Variants in CLSTN2 observed in about 807,000 individuals in gnomAD.
CLSTN2 encodes calsyntenin 2, also known as calsyntenin-2.
Under a neutral mutation model 101.2 loss-of-function variants are expected in CLSTN2, and 48 were observed. The observed-to-expected ratio is 0.47, with a 90% CI of 0.38 to 0.60. The LOEUF is 0.60. Ranked by LOEUF, CLSTN2 falls within the 20% of genes least tolerant of loss-of-function variation. The probability of loss-of-function intolerance (pLI) is 0.00; values close to 1 mark genes in which losing one functional copy is unlikely to be tolerated. For synonymous variants in CLSTN2, 481 were observed against 463.6 expected (o/e 1.04, Z -0.48); for missense variants, 1,160 against 1,238.2 (o/e 0.94, Z 0.95).
At chr3:139,966,461 T>G (rs1459846408) in intron 1 of CLSTN2, among the ~76,000 whole-genome samples, 4 of 152,180 alleles carry the variant, frequency 2.6e-5, no homozygotes, top group African/African-American at 9.7e-5. Flanking sequence ...TGATGCGGTT[T>G]CCTCTGCCTG....
chr3:140,484,655 G>T lies in CLSTN2; in HGVS notation c.1344+17924G>T, dbSNP rs1401150021. ...TAGTCCCATATTTCTTGGAGGCTTT[G>T]TTCATTTCCTTTTATTCTTTTTTCT... is the stretch of plus-strand genomic sequence containing the variant. On this transcript the variant is annotated intron_variant, in intron 8 of 16. Transcript: ENST00000458420. Among the ~76,000 whole-genome samples the T allele has an allele frequency of 2.6e-5, 4 of 152,158 alleles. No individual in the cohort carries two copies. In the East Asian group the frequency reaches 7.7e-4, roughly 29 times the overall value.
chr3:140,249,808 T>C (rs1468638315), intron 2 of CLSTN2, among the ~76,000 whole-genome samples: 1 of 152,192 alleles, frequency 6.6e-6, no homozygotes. Flanking sequence ...CCAAGAGAAC[T>C]TGACAGTGCA....
At chr3:140,505,972 C>T (rs1262346910) in intron 8 of CLSTN2, 1 of 152,186 alleles carries the variant, frequency 6.6e-6, no homozygotes, top group African/African-American at 2.4e-5. Flanking sequence ...GGACAGGAAA[C>T]AGGATTTCTG....
At chr3:140,215,780 T>C (rs991323441) in intron 2 of CLSTN2, among the ~76,000 whole-genome samples, 4 of 152,236 alleles carry the variant, frequency 2.6e-5, no homozygotes, top group African/African-American at 4.8e-5. Context: ...CGCATTGTTA[T>C]AAGGATTAAA....
intron 1 of CLSTN2, among the ~76,000 whole-genome samples, chr3:140,121,748 G>A (rs958114923): frequency 2.6e-5 from 4 of 152,158 alleles, no homozygotes; most frequent in Non-Finnish European, 4.4e-5. Flanking sequence ...CTTGGCTTAG[G>A]TGCTGTTTGG....
At chr3:140,334,677 A>G (rs1194291334) in intron 2 of CLSTN2, among the ~76,000 whole-genome samples, 1 of 152,212 alleles carries the variant, frequency 6.6e-6, no homozygotes, top group Non-Finnish European at 1.5e-5. Flanking sequence ...AAGAAGGGTC[A>G]CTAATTTATC....
intron 2 of CLSTN2, among the ~76,000 whole-genome samples, chr3:140,229,535 T>C (rs562840703): frequency 6.6e-6 from 1 of 151,806 alleles, no homozygotes; most frequent in South Asian, 2.1e-4. Context: ...GCCTCAGATC[T>C]CTATGTTGTC....
chr3:140,515,463 T>C (rs1934899474), intron 8 of CLSTN2, among the ~76,000 whole-genome samples: 1 of 152,164 alleles, frequency 6.6e-6, no homozygotes, highest in African/African-American at 2.4e-5. Context: ...GGCCTTAGAT[T>C]GTCCATTTGT....
intron 1 of CLSTN2, among the ~76,000 whole-genome samples, chr3:140,111,611 C>T (rs981673080): frequency 2.6e-5 from 4 of 151,874 alleles, no homozygotes; most frequent in Non-Finnish European, 5.9e-5. Context: ...CTTCCTGCCC[C>T]GAGCTCCTGA....
chr3:140,126,818 C>T (rs2009441155), intron 1 of CLSTN2, among the ~76,000 whole-genome samples: 3 of 152,162 alleles, frequency 2.0e-5, no homozygotes, highest in Admixed American at 6.5e-5. Context: ...CTGGGTGCTG[C>T]AGACACAGGG....
intron 1 of CLSTN2, among the ~76,000 whole-genome samples, chr3:140,161,468 T>G (rs560890886): frequency 1.3e-5 from 2 of 152,150 alleles, no homozygotes; most frequent in Non-Finnish European, 2.9e-5. Context: ...CTCCCCTTCC[T>G]TTTTCCAAAA....
intron 8 of CLSTN2, among the ~76,000 whole-genome samples, chr3:140,503,241 TA>T (rs1934616243): frequency 6.6e-6 from 1 of 152,230 alleles, no homozygotes; most frequent in Admixed American, 6.5e-5. Context: ...TTTTGCTGTT[TA>T]AGTACAGTCA....
At chr3:140,342,785 T>G (rs1188834361) in intron 2 of CLSTN2, among the ~76,000 whole-genome samples, 2 of 152,110 alleles carry the variant, frequency 1.3e-5, no homozygotes, top group African/African-American at 4.8e-5. Context: ...TGATACTGGC[T>G]GTCATCTGGA....
chr3:140,221,952 CA>C (rs1177777113), intron 2 of CLSTN2, among the ~76,000 whole-genome samples: 1 of 151,978 alleles, frequency 6.6e-6, no homozygotes, highest in African/African-American at 2.4e-5. Context: ...TATGATACAG[CA>C]GTCCAACTAC....
intron 2 of CLSTN2, among the ~76,000 whole-genome samples, chr3:140,258,253 A>G (rs748005538): frequency 3.3e-5 from 5 of 152,232 alleles, no homozygotes; most frequent in Non-Finnish European, 7.3e-5. Context: ...GGAAACTTCC[A>G]TCTTCCAATT....
chr3:140,421,669 TG>T (rs2088507821), intron 5 of CLSTN2, among the ~76,000 whole-genome samples: 2 of 152,210 alleles, frequency 1.3e-5, no homozygotes, highest in African/African-American at 4.8e-5. Context: ...AAAGTCGCCA[TG>T]TTCTTTGTGC....
intron 1 of CLSTN2, among the ~76,000 whole-genome samples, chr3:140,166,252 C>T (rs958240875): frequency 2.0e-5 from 3 of 152,206 alleles, no homozygotes; most frequent in African/African-American, 7.2e-5. Flanking sequence ...TTGGCCTACT[C>T]CACCCATCAG....
At chr3:140,257,562 G>GTA (rs1491430095) in intron 2 of CLSTN2, among the ~76,000 whole-genome samples, 4 of 61,734 alleles carry the variant, frequency 6.5e-5, no homozygotes, top group Non-Finnish European at 2.2e-4. Context: ...CTTTCTAGGG[G>GTA]TGTGTGTGTG....
intron 2 of CLSTN2, among the ~76,000 whole-genome samples, chr3:140,318,845 T>C (rs971036961): frequency 1.3e-5 from 2 of 152,168 alleles, no homozygotes; most frequent in African/African-American, 4.8e-5. Context: ...AGTGGAGAAT[T>C]TAAACTTTAA....
Sources: gnomAD v4.1 joint callset for allele counts (sites outside exome capture counted in the v4.1 genomes callset) on GRCh38, gnomAD v4.1.1 for gene constraint, MANE v1.5 for transcripts, NCBI Gene and HGNC (gene_info 2026-07-23, HGNC 2026-07-21) for gene names.